SIM2: variants seen among roughly 807,000 people sequenced by gnomAD.
SIM2 encodes SIM bHLH transcription factor 2.
Under a neutral mutation model 64.8 loss-of-function variants are expected in SIM2, and 28 were observed. The observed-to-expected ratio is 0.43, with a 90% CI of 0.32 to 0.59. The LOEUF (loss-of-function observed/expected upper bound fraction) is 0.59. SIM2 is among the 20% of genes least tolerant of loss of function. SIM2 has a pLI of 0.07. For missense variants in SIM2, 847 were observed against 871.4 expected, an observed-to-expected ratio of 0.97 and a Z score of 0.35; for synonymous variants, 408 against 391.1, an observed-to-expected ratio of 1.04 and a Z score of -0.51.
At chr21:36,704,362 G>T (rs2088549160) in intron 1 of SIM2, among the ~76,000 whole-genome samples, 4 of 152,236 alleles carry the variant, frequency 2.6e-5, no homozygotes, top group Admixed American at 2.6e-4. Flanking sequence ...ATTTATTAAA[G>T]GTCGACTGTT....
In SIM2 at chr21:36,745,155, TG is replaced by T; in HGVS notation, c.1576+23del. On this transcript the variant is annotated intron_variant, in intron 10 of 10. Transcript: ENST00000290399. The surrounding 1 kb of genome is among the most constrained non-coding windows in gnomAD (Gnocchi z 4.8). ...TACGAAGGTGGGTCAGGTCTGCTCG[TG>T]GGGAAGGTGGGAGGACTGCGCACGG... The T allele has an allele frequency of 6.3e-7, 1 of 1,598,028 alleles. No individual in the cohort carries two copies. Among genetic ancestry groups the T allele is most frequent in the Non-Finnish European group, 8.5e-7 (1 of 1,171,856 alleles).
rs534570431 is a variant in SIM2 at position 36,700,423 on chromosome 21, G to T, written c.175+502G>T. Among the ~76,000 whole-genome samples, 4 of 146,012 alleles carry T rather than the reference G, an allele frequency of 2.7e-5. No homozygotes were observed. The East Asian group carries it at 8.1e-4, about 29-fold the overall frequency. On this transcript the variant is annotated intron_variant, in intron 1 of 10. Coordinates refer to ENST00000290399, the MANE Select transcript of SIM2 (RefSeq NM_005069.6). ...CCTTCCTTCCTTTGCCAATGCATTGGTTTGTTTTCTTTCCTTTTCTGCTTT... is the reference window on the plus strand; with the variant it reads ...CCTTCCTTCCTTTGCCAATGCATTGTTTTGTTTTCTTTCCTTTTCTGCTTT...
At position 36,699,790 on chromosome 21, in the gene SIM2, A is replaced by T. The variant is rs2088458459; in HGVS notation, c.44A>T (p.Lys15Met). The T allele has an allele frequency of 6.2e-7, 1 of 1,613,102 alleles. No homozygotes were observed. Among genetic ancestry groups the T allele is most frequent in the East Asian group, 2.2e-5 (1 of 44,824 alleles). ...SKNAAKTRRE[K>M]ENGEFYELAK... Reference sequence around the variant, plus strand: ...AATGCGGCCAAGACCAGGAGGGAGAAGGAAAATGGCGAGTTTTACGAGCTT... The same window carrying T: ...AATGCGGCCAAGACCAGGAGGGAGATGGAAAATGGCGAGTTTTACGAGCTT... Residue 15 changes from lysine (K) to methionine (M), a missense_variant, in exon 1 of 11, where the codon AAG (lysine) becomes ATG (methionine). This residue lies in a region of SIM2 where 397 missense variants were observed against 439.2 expected (regional missense o/e 0.90). Transcript: ENST00000290399. The surrounding 1 kb of genome is among the most constrained non-coding windows in gnomAD (Gnocchi z 5.6).
rs759831335 is a variant in SIM2, at chr21:36,699,740, A to G, written c.-7A>G. On this transcript the variant is annotated 5_prime_UTR_variant, in exon 1 of 11. Coordinates refer to ENST00000290399, the MANE Select transcript of SIM2 (RefSeq NM_005069.6). This position sits in a 1 kb window ranked among gnomAD's most constrained non-coding sequence, Gnocchi z 5.6. ...GCCGGGTCTAATATGCCCGGAGCCG[A>G]GGCGCGATGAAGGAGAAGTCCAAGA... 1.9e-6 allele frequency: 3 copies of G among 1,611,916 alleles called. No homozygotes were observed. In the South Asian group the frequency reaches 3.3e-5, roughly 18 times the overall value.
rs780515558 is a variant in SIM2 at position 36,744,939 on chromosome 21, T to G, written c.1379T>G (p.Met460Arg). ...DSHVFSSKKP[M>R]LPAKFGQPQG... ...CACGTCTTCAGCAGCAAAAAGCCAA[T>G]GTTGCCGGCCAAGTTCGGGCAGCCC... Residue 460 changes from methionine to arginine, a missense_variant, in exon 10 of 11, where the codon ATG becomes AGG. Physicochemically the swap from Met to Arg is moderately conservative, Grantham distance 91. Coordinates refer to ENST00000290399, the MANE Select transcript of SIM2 (RefSeq NM_005069.6). 7.4e-6 allele frequency: 12 copies of G among 1,614,082 alleles called. No individual in the cohort carries two copies. The African/African-American group carries it at 1.6e-4, about 22-fold the overall frequency.
In SIM2 at chr21:36,733,083, C is replaced by A. The variant is rs139399216; in HGVS notation, c.850+1932C>A. Among the ~76,000 whole-genome samples the A allele has an allele frequency of 1.8e-3, 267 of 152,238 alleles. 1 individual carries two copies. The highest frequency in any genetic ancestry group is 4.0e-4 in the Non-Finnish European group (27 of 68,012). ...AGCCCCAGCCCTGGGGGGTCTGGAG[C>A]CCCCTTCCATGGAGGCAGGAGAATG... is the stretch of plus-strand genomic sequence containing the variant. On this transcript the variant is annotated intron_variant, in intron 7 of 10. Transcript: ENST00000290399.
At chr21:36,707,661 CGAGGTGCATTTTACGCTTCCA>C (rs1408212926) in intron 1 of SIM2, among the ~76,000 whole-genome samples, 1 of 151,898 alleles carries the variant, frequency 6.6e-6, no homozygotes, top group Non-Finnish European at 1.5e-5. Flanking sequence ...TGCCCTGGGC[CGAGGTGCATTTTACGCTTCCA>C]GAGGTCGAGG....
At chr21:36,736,689 G>C (rs1358663521) in intron 7 of SIM2, among the ~76,000 whole-genome samples, 3 of 151,890 alleles carry the variant, frequency 2.0e-5, no homozygotes, top group Non-Finnish European at 2.9e-5. Flanking sequence ...TCAGAGCTGT[G>C]CCACAATATT....
intron 6 of SIM2, among the ~76,000 whole-genome samples, chr21:36,727,957 T>C (rs918087058): frequency 7.9e-5 from 12 of 151,970 alleles, no homozygotes; most frequent in African/African-American, 2.9e-4. Context: ...GCAGGGTGAG[T>C]GTGTCAGGGT....
At position 36,699,462 on chromosome 21, in the gene SIM2, G is replaced by T. The variant is rs927578193; in HGVS notation, c.-285G>T. ...AGGAGAGGCAGGAGGGAGGAAACAG[G>T]AGCGAGCAGGAACGGGGCTCCGGTT... On this transcript the variant is annotated 5_prime_UTR_variant, in exon 1 of 11. Transcript: ENST00000290399. This position sits in a 1 kb window ranked among gnomAD's most constrained non-coding sequence, Gnocchi z 5.6. The T allele has an allele frequency of 1.6e-4, 39 of 239,730 alleles. No individual in the cohort carries two copies. The highest frequency in any genetic ancestry group is 8.2e-4 in the African/African-American group (36 of 43,776). The allele number at this position is 239,730 out of a possible 1,614,324, so 14.9% of individuals were successfully genotyped here.
At chr21:36,706,509 A>G (rs1025374411) in intron 1 of SIM2, among the ~76,000 whole-genome samples, 1 of 152,158 alleles carries the variant, frequency 6.6e-6, no homozygotes, top group African/African-American at 2.4e-5. Flanking sequence ...CTCACCCCTT[A>G]TTTCTGAAAT....
rs112429649 is a variant in SIM2 at position 36,726,223 on chromosome 21, G to A, written c.648G>A (p.Ser216=). The A allele has an allele frequency of 9.6e-4, 1,545 of 1,613,622 alleles. 6 individuals are homozygous for A. In the African/African-American group the frequency reaches 0.01, roughly 11 times the overall value. Residue 216 remains serine, a synonymous_variant, in exon 6 of 11, where the codon TCG becomes TCA. Coordinates refer to ENST00000290399, the MANE Select transcript of SIM2 (RefSeq NM_005069.6). This position sits in a 1 kb window ranked among gnomAD's most constrained non-coding sequence, Gnocchi z 4.5. ...TGGGGCTGGTGGCCGTGGGCCAGTC[G>A]CTGCCACCCAGTGCCATCACCGAGA... ...QIVGLVAVGQ[S]LPPSAITEIK...
chr21:36,745,674 C>A lies in SIM2; in HGVS notation c.1576+538C>A. The A allele has an allele frequency of 8.3e-7, 1 of 1,200,034 alleles. No individual in the cohort carries two copies. Among genetic ancestry groups the A allele is most frequent in the South Asian group, 1.6e-5 (1 of 61,936 alleles). The allele number at this position is 1,200,034 out of a possible 1,614,324, so 74.3% of individuals were successfully genotyped here. A position where few individuals can be genotyped will look rare whatever the true frequency, so the allele number is the denominator to read the frequency against. On this transcript the variant is annotated intron_variant, in intron 10 of 10. Transcript: ENST00000290399. This position sits in a 1 kb window ranked among gnomAD's most constrained non-coding sequence, Gnocchi z 4.8. ...ACCCTCCAGGCCTCAGTTTCTTCAC[C>A]TGTAAAATGGGGTGAAGCTGTGATG...
chr21:36,719,728 TG>T, intron 3 of SIM2, 92 bp from the exon 4 acceptor site: 1 of 752,538 alleles, frequency 1.3e-6, no homozygotes, highest in Non-Finnish European at 2.4e-6. Flanking sequence ...GTTCTGTTCC[TG>T]GCAGGGTGAG....
intron 7 of SIM2, among the ~76,000 whole-genome samples, chr21:36,733,276 G>T (rs888991045): frequency 9.2e-5 from 14 of 152,232 alleles, no homozygotes; most frequent in African/African-American, 3.4e-4. Flanking sequence ...CCAGGCTGGA[G>T]TGCAGTGGCA....
At chr21:36,722,141 T>C (rs1217854466) in intron 4 of SIM2, among the ~76,000 whole-genome samples, 1 of 152,204 alleles carries the variant, frequency 6.6e-6, no homozygotes, top group East Asian at 1.9e-4. Context: ...CCAGTTGATG[T>C]ATTTTTAGAC....
intron 4 of SIM2, 28 bp downstream of exon 4, chr21:36,719,957 AC>A: frequency 7.8e-7 from 1 of 1,282,756 alleles, no homozygotes. Context: ...AAAAAAAAAA[AC>A]AGACTAAAAG....
chr21:36,723,217 G>T, intron 5 of SIM2, 87 bp downstream of exon 5: 2 of 1,070,042 alleles, frequency 1.9e-6, no homozygotes, highest in Middle Eastern at 2.7e-4. Flanking sequence ...GAAGGCACGG[G>T]AGCACAAACT....
At chr21:36,711,845 C>T (rs1484763110) in intron 2 of SIM2, among the ~76,000 whole-genome samples, 1 of 152,108 alleles carries the variant, frequency 6.6e-6, no homozygotes, top group African/African-American at 2.4e-5. Context: ...TATAGTTTTA[C>T]TTTATTTTTG....
Sources: gnomAD v4.1 joint callset for allele counts (sites outside exome capture counted in the v4.1 genomes callset) on GRCh38, gnomAD v4.1.1 for gene constraint, gnomAD v4.1.1 regional missense constraint, Gnocchi (gnomAD v3.1) non-coding constraint, MANE v1.5 for transcripts, NCBI Gene and HGNC (gene_info 2026-07-23, HGNC 2026-07-21) for gene names.